SUGT1: variants seen among roughly 807,000 people sequenced by gnomAD.
SUGT1 encodes the protein SGT1 assembly cochaperone of MIS12 kinetochore complex, also known as protein SGT1 homolog.
Under a neutral mutation model 56.1 loss-of-function variants are expected in SUGT1, and 15 were observed. The ratio of observed to expected loss-of-function variants is 0.27; its 90% confidence interval spans 0.18 to 0.41. The LOEUF (loss-of-function observed/expected upper bound fraction) is 0.41. Among genes scored for constraint, SUGT1 ranks in the 10% least tolerant of loss-of-function variants. The probability of loss-of-function intolerance (pLI) is 1.00; values close to 1 mark genes in which losing one functional copy is unlikely to be tolerated. For synonymous variants in SUGT1, 123 were observed against 128.6 expected (o/e 0.96, Z 0.30); for missense variants, 347 against 382.2 (o/e 0.91, Z 0.77).
intron 10 of SUGT1, among the ~76,000 whole-genome samples, chr13:52,668,522 C>G (rs1962808207): frequency 6.6e-6 from 1 of 152,064 alleles, no homozygotes; most frequent in Non-Finnish European, 1.5e-5. Context: ...TGAAGATTGT[C>G]AAGAACAAAG....
At chr13:52,681,400 A>G (rs1963369040) in intron 12 of SUGT1, among the ~76,000 whole-genome samples, 4 of 151,732 alleles carry the variant, frequency 2.6e-5, no homozygotes, top group Admixed American at 2.0e-4. Context: ...AGCCTGGGCA[A>G]CAGAGACCCT....
chr13:52,662,997 C>A, intron 6 of SUGT1, 99 bp from the exon 7 acceptor site: 1 of 1,348,624 alleles, frequency 7.4e-7, no homozygotes, highest in Non-Finnish European at 1.0e-6. Flanking sequence ...GGAGAATTTG[C>A]TTGCTTAATC....
chr13:52,675,113 G>C (rs550012904), intron 10 of SUGT1, among the ~76,000 whole-genome samples: 5 of 152,102 alleles, frequency 3.3e-5, no homozygotes, highest in Non-Finnish European at 7.3e-5. Context: ...CTTCACTCTT[G>C]CAAATGCTTC....
chr13:52,664,090 A>G, intron 8 of SUGT1, 33 bp downstream of exon 8: 4 of 1,600,802 alleles, frequency 2.5e-6, no homozygotes, highest in Non-Finnish European at 3.4e-6. Context: ...ACAATGCATG[A>G]TAAATATGCC....
intron 12 of SUGT1, among the ~76,000 whole-genome samples, chr13:52,685,288 G>T (rs1477249851): frequency 2.4e-5 from 3 of 127,266 alleles, no homozygotes; most frequent in Non-Finnish European, 4.8e-5. Context: ...TAGAGATAAG[G>T]TCTCCTATGT....
chr13:52,685,256 C>CTTTTTTTTTTTTT (rs59104304), intron 12 of SUGT1, among the ~76,000 whole-genome samples: 2 of 87,734 alleles, frequency 2.3e-5, no homozygotes, highest in Non-Finnish European at 2.2e-5. Flanking sequence ...TCTTCTTCTT[C>CTTTTTTTTTTTTT]TTTTTTTTTT....
intron 11 of SUGT1, 99 bp from the exon 12 acceptor site, chr13:52,679,874 GT>G: frequency 9.3e-6 from 11 of 1,182,186 alleles, no homozygotes; most frequent in Non-Finnish European, 1.3e-5. Flanking sequence ...AACCTAAACT[GT>G]TTGCTAAGAT....
intron 11 of SUGT1, among the ~76,000 whole-genome samples, chr13:52,677,880 TC>T (rs1482775145): frequency 1.3e-5 from 2 of 152,330 alleles, no homozygotes; most frequent in African/African-American, 4.8e-5. Context: ...TAAAAGTTTT[TC>T]TGAGATTAAA....
At chr13:52,659,789 A>AAAATATAT in intron 5 of SUGT1, among the ~76,000 whole-genome samples, 1 of 48,968 alleles carries the variant, frequency 2.0e-5, no homozygotes, top group East Asian at 7.6e-4. Context: ...GAGAGTCAAG[A>AAAATATAT]ATATATATAT....
intron 10 of SUGT1, among the ~76,000 whole-genome samples, chr13:52,673,070 G>T (rs1306404201): frequency 6.6e-6 from 1 of 152,024 alleles, no homozygotes; most frequent in African/African-American, 2.4e-5. Flanking sequence ...AAAATAGAAT[G>T]GTATGTTAAT....
rs1364423841 is a variant in SUGT1, at chr13:52,688,914, C to G, written c.*1079C>G. The G allele has an allele frequency of 6.6e-6, 1 of 152,100 alleles. No homozygotes were observed. Among genetic ancestry groups the G allele is most frequent in the Non-Finnish European group, 1.5e-5 (1 of 68,020 alleles). 9.4% of individuals were successfully genotyped at this position (152,100 alleles called of 1,614,324 possible). On this transcript the variant is annotated 3_prime_UTR_variant, in exon 13 of 13. Coordinates refer to ENST00000310528, the MANE Select transcript of SUGT1 (RefSeq NM_006704.5). Reference sequence around the variant, plus strand: ...TGATTAAAATTGTTTACAGTCTAGGCTGTTATAAAGTATAGACTATGGATG... The same window carrying G: ...TGATTAAAATTGTTTACAGTCTAGGGTGTTATAAAGTATAGACTATGGATG...
chr13:52,686,286 C>A (rs532604394), intron 12 of SUGT1, among the ~76,000 whole-genome samples: 3 of 152,232 alleles, frequency 2.0e-5, no homozygotes, highest in Admixed American at 6.5e-5. Flanking sequence ...ATTTAAAGCC[C>A]ACTGTGTGCT....
chr13:52,653,184 C>G (rs1961993805), intron 2 of SUGT1, 81 bp downstream of exon 2: 1 of 1,544,012 alleles, frequency 6.5e-7, no homozygotes, highest in African/African-American at 1.4e-5. Flanking sequence ...CGCCTTCTCC[C>G]CGCACCGCCG....
At chr13:52,680,274 G>A in intron 12 of SUGT1, 119 bp downstream of exon 12, 2 of 899,520 alleles carry the variant, frequency 2.2e-6, no homozygotes, top group African/African-American at 1.8e-5. Flanking sequence ...TTTTGAATAA[G>A]GTCTGTCTGA....
intron 12 of SUGT1, among the ~76,000 whole-genome samples, chr13:52,685,256 C>CTT (rs59104304): frequency 3.8e-4 from 33 of 87,724 alleles, no homozygotes; most frequent in African/African-American, 6.7e-4. Flanking sequence ...TCTTCTTCTT[C>CTT]TTTTTTTTTT....
chr13:52,670,243 T>A (rs549040996), intron 10 of SUGT1, among the ~76,000 whole-genome samples: 9 of 152,346 alleles, frequency 5.9e-5, no homozygotes, highest in African/African-American at 2.2e-4. Flanking sequence ...GAAGTAGCAT[T>A]TCTTAACTAT....
chr13:52,670,995 TTTCTC>T (rs1322074705), intron 10 of SUGT1, among the ~76,000 whole-genome samples: 1 of 152,196 alleles, frequency 6.6e-6, no homozygotes, highest in African/African-American at 2.4e-5. Flanking sequence ...ATAGCCTCCT[TTTCTC>T]TTCTCCCACT....
In SUGT1 at chr13:52,667,302, GTTAAAAATACAA is replaced by G. The variant is rs1962748361; in HGVS notation, c.627+384_627+395del. Among the ~76,000 whole-genome samples, 10 of 152,260 alleles carry G rather than the reference GTTAAAAATACAA, an allele frequency of 6.6e-5. No homozygotes were observed. The South Asian group carries it at 2.1e-3, about 32-fold the overall frequency. On this transcript the variant is annotated intron_variant, in intron 10 of 12. Transcript: ENST00000310528. ...TACTTTTGTCACCCTACCTCATGCA[GTTAAAAATACAA>G]ACTACAAGAAAGATGAATCTGCCTT...
chr13:52,664,002 C>G, intron 7 of SUGT1, 33 bp from the exon 8 acceptor site: 3 of 1,610,394 alleles, frequency 1.9e-6, no homozygotes, highest in Non-Finnish European at 2.5e-6. Context: ...AAATCTTTCT[C>G]TTTCAACTTA....
Sources: gnomAD v4.1 joint callset for allele counts (sites outside exome capture counted in the v4.1 genomes callset) on GRCh38, gnomAD v4.1.1 for gene constraint, MANE v1.5 for transcripts, NCBI Gene and HGNC (gene_info 2026-07-23, HGNC 2026-07-21) for gene names.